Variants in ZNF366 observed in about 807,000 individuals in gnomAD.
The protein encoded by ZNF366 is zinc finger protein 366.
In ZNF366, 20 loss-of-function variants were observed where a neutral mutation model predicts 47.2. The ratio of observed to expected loss-of-function variants is 0.42; its 90% CI spans 0.30 to 0.62. ZNF366 has a LOEUF of 0.62. Among genes scored for constraint, ZNF366 ranks in the 20% least tolerant of loss-of-function variants. ZNF366 has a pLI of 0.16. For synonymous variants in ZNF366, 421 were observed against 395.1 expected (o/e 1.07, Z -0.78); for missense variants, 987 against 976.3 (o/e 1.01, Z -0.15).
Position 72,456,483 on chromosome 5 carries a change from C to T in ZNF366, c.1445G>A (p.Cys482Tyr). 1 of 1,613,942 alleles carries T rather than the reference C, an allele frequency of 6.2e-7. No homozygotes were observed. Among genetic ancestry groups the T allele is most frequent in the Non-Finnish European group, 8.5e-7 (1 of 1,179,856 alleles). Residue 482 changes from cysteine to tyrosine, a missense_variant, in exon 3 of 5, where the codon TGC becomes TAC. This residue lies in a region of ZNF366 where 111 missense variants were observed against 180.5 expected (regional missense o/e 0.61). Transcript: ENST00000318442. ...CTGCTTCTGCACGAAGCTCTTGTAG[C>T]AGAGGTGACACTGGTAGGCGCGGAT... Reference protein sequence around the residue: ...TNIRAYQCHLCYKSFVQKQTL... With the variant: ...TNIRAYQCHLYYKSFVQKQTL...
Position 72,456,384 on chromosome 5 carries a change from T to C in ZNF366, c.1524+20A>G. The stretch of plus-strand genomic sequence containing the variant: ...GGCATTTGCACAACCCTCTGGTTCC[T>C]CTCTAGTCCCACTGCCCACCTTGCA... On this transcript the variant is annotated intron_variant, in intron 3 of 4. Transcript: ENST00000318442. 1.3e-6 allele frequency: 2 copies of C among 1,583,620 alleles called. No individual in the cohort carries two copies. Among genetic ancestry groups the C allele is most frequent in the Non-Finnish European group, 1.7e-6 (2 of 1,158,340 alleles).
chr5:72,504,875 C>T (rs1401209141), intron 1 of ZNF366, among the ~76,000 whole-genome samples: 2 of 152,170 alleles, frequency 1.3e-5, no homozygotes, highest in Non-Finnish European at 2.9e-5. Context: ...CGCAATTTTA[C>T]ATTTGGGGAC....
rs202202538 is a variant in ZNF366, at chr5:72,447,277, C to T, written c.1665G>A (p.Lys555=). The T allele has an allele frequency of 6.2e-7, 1 of 1,614,182 alleles. No homozygotes were observed. The highest frequency in any genetic ancestry group is 2.2e-5 in the East Asian group (1 of 44,888). ...KGNLTRHMKV[K]HGVMERGLHS... ...GAAGGCCCCGCTCCATGACTCCATG[C>T]TTGACTTTCATGTGGCGTGTCAGGT... Residue 555 remains lysine, a synonymous_variant, in exon 4 of 5, where the codon AAG becomes AAA. Coordinates refer to ENST00000318442, the MANE Select transcript of ZNF366 (RefSeq NM_152625.3).
At chr5:72,498,104 G>C (rs1744146721) in intron 1 of ZNF366, among the ~76,000 whole-genome samples, 1 of 151,874 alleles carries the variant, frequency 6.6e-6, no homozygotes, top group Non-Finnish European at 1.5e-5. Flanking sequence ...CGTAAAACTA[G>C]AAAGGCCCTT....
chr5:72,506,506 C>T (rs558247188), intron 1 of ZNF366, among the ~76,000 whole-genome samples: 3 of 152,308 alleles, frequency 2.0e-5, no homozygotes, highest in Non-Finnish European at 4.4e-5. Flanking sequence ...CTTAGTTTTT[C>T]CCTCCTACTG....
intron 1 of ZNF366, among the ~76,000 whole-genome samples, chr5:72,465,512 A>G (rs966985195): frequency 1.3e-5 from 2 of 152,214 alleles, no homozygotes; most frequent in Admixed American, 1.3e-4. Flanking sequence ...TACCACCCAC[A>G]TGCTCCGCTC....
intron 1 of ZNF366, among the ~76,000 whole-genome samples, chr5:72,490,868 A>G (rs1005720635): frequency 6.6e-6 from 1 of 152,180 alleles, no homozygotes; most frequent in East Asian, 1.9e-4. Context: ...GTAACATAGT[A>G]CACAGCTCTC....
chr5:72,484,294 C>T (rs932997950), intron 1 of ZNF366, among the ~76,000 whole-genome samples: 10 of 151,580 alleles, frequency 6.6e-5, no homozygotes, highest in African/African-American at 2.4e-4. Flanking sequence ...ACCATCCCGG[C>T]TAAAACGGTG....
intron 4 of ZNF366, among the ~76,000 whole-genome samples, chr5:72,445,515 A>G (rs1339557294): frequency 6.6e-6 from 1 of 152,220 alleles, no homozygotes; most frequent in Non-Finnish European, 1.5e-5. Context: ...AGCTAGAGTG[A>G]AAAATAAAAG....
intron 1 of ZNF366, among the ~76,000 whole-genome samples, chr5:72,471,678 CTG>C (rs1743568276): frequency 1.3e-5 from 2 of 152,140 alleles, no homozygotes; most frequent in African/African-American, 4.8e-5. Context: ...CTTCTATACA[CTG>C]TAGATGACTT....
At chr5:72,451,306 T>A (rs890124709) in intron 3 of ZNF366, among the ~76,000 whole-genome samples, 4 of 152,238 alleles carry the variant, frequency 2.6e-5, no homozygotes, top group Non-Finnish European at 4.4e-5. Context: ...ATCCACCCGC[T>A]TTTTAAGATG....
chr5:72,489,065 G>A (rs1378760839), intron 1 of ZNF366, among the ~76,000 whole-genome samples: 1 of 152,074 alleles, frequency 6.6e-6, no homozygotes, highest in Non-Finnish European at 1.5e-5. Flanking sequence ...ATTTCCTTGT[G>A]GAATCTTTAA....
chr5:72,504,864 A>G (rs1408484322), intron 1 of ZNF366, among the ~76,000 whole-genome samples: 1 of 152,168 alleles, frequency 6.6e-6, no homozygotes, highest in Non-Finnish European at 1.5e-5. Context: ...CATTATGTTG[A>G]CGCAATTTTA....
Position 72,507,275 on chromosome 5 carries a change from C to T in ZNF366, c.-39G>A. 1.0e-6 allele frequency: 1 copy of T among 985,550 alleles called. No individual in the cohort carries two copies. Among genetic ancestry groups the T allele is most frequent in the South Asian group, 4.7e-5 (1 of 21,284 alleles). 61.1% of individuals were successfully genotyped at this position (985,550 alleles called of 1,614,324 possible). A position where few individuals can be genotyped will look rare whatever the true frequency, so the allele number is the denominator to read the frequency against. On this transcript the variant is annotated 5_prime_UTR_variant, in exon 1 of 5. Transcript: ENST00000318442. ...CCAGCTCCTGAGGTCTGAATGGCTGCAGCAGCCCCACTCCTTTACCTGATC... is the reference window on the plus strand; with the variant it reads ...CCAGCTCCTGAGGTCTGAATGGCTGTAGCAGCCCCACTCCTTTACCTGATC...
At chr5:72,462,547 C>CTTTCTTTCTTTCTTTCTTTCTTTTTTTCT (rs11275151) in intron 1 of ZNF366, among the ~76,000 whole-genome samples, 12 of 78,930 alleles carry the variant, frequency 1.5e-4, no homozygotes, top group African/African-American at 6.6e-4. Context: ...TTCTTTCTTT[C>CTTTCTTTCTTTCTTTCTTTCTTTTTTTCT]TTTTTTTTTT....
At chr5:72,472,733 G>C (rs1359184017) in intron 1 of ZNF366, among the ~76,000 whole-genome samples, 2 of 152,224 alleles carry the variant, frequency 1.3e-5, no homozygotes, top group African/African-American at 4.8e-5. Context: ...AGTGCTGAGA[G>C]GGCACTCTGG....
chr5:72,456,304 C>T (rs1352534464), intron 3 of ZNF366, 100 bp downstream of exon 3: 26 of 1,373,536 alleles, frequency 1.9e-5, no homozygotes, highest in South Asian at 2.9e-5. Context: ...TCTGAGCCCC[C>T]GTAGCCCCAC....
chr5:72,461,545 G>T lies in ZNF366; in HGVS notation c.-14-35C>A, dbSNP rs777352836. The stretch of plus-strand genomic sequence containing the variant: ...GAAAGAAACTTGTGTGTTTTGGTTT[G>T]GTTTTGTTTAAAATTCTCTTTTTCC... On this transcript the variant is annotated intron_variant, in intron 1 of 4. Transcript: ENST00000318442. The T allele has an allele frequency of 4.0e-5, 61 of 1,513,808 alleles. 1 individual carries two copies. The highest frequency in any genetic ancestry group is 1.8e-4 in the Admixed American group (8 of 44,120). The allele number at this position is 1,513,808 out of a possible 1,614,324, so 93.8% of individuals were successfully genotyped here. A position where few individuals can be genotyped will look rare whatever the true frequency, so the allele number is the denominator to read the frequency against.
chr5:72,469,377 AC>A (rs1301159621), intron 1 of ZNF366, among the ~76,000 whole-genome samples: 1 of 152,220 alleles, frequency 6.6e-6, no homozygotes, highest in African/African-American at 2.4e-5. Flanking sequence ...AAAGAAATAT[AC>A]AAAAAATGCT....
Sources: allele counts gnomAD v4.1 joint callset (sites outside exome capture counted in the v4.1 genomes callset), GRCh38; gene constraint gnomAD v4.1.1; regional missense constraint gnomAD v4.1.1; transcripts MANE v1.5; gene names NCBI Gene and HGNC (gene_info 2026-07-23, HGNC 2026-07-21).